The following EXTL3 variants were observed in gnomAD, a reference collection of about 807,000 sequenced individuals.
EXTL3 encodes exostosin-like 3.
Under a neutral mutation model 69.3 loss-of-function variants are expected in EXTL3, and 27 were observed. The ratio of observed to expected loss-of-function variants is 0.39; its 90% CI spans 0.29 to 0.54. The LOEUF is 0.54. Ranked by LOEUF, EXTL3 falls within the 20% of genes least tolerant of loss-of-function variation. The pLI is 0.69. For synonymous variants in EXTL3, 511 were observed against 499.4 expected (o/e 1.02, Z -0.31); for missense variants, 1,003 against 1,231.8 (o/e 0.81, Z 2.78).
chr8:28,726,581 G>A (rs1454261190), intron 3 of EXTL3, among the ~76,000 whole-genome samples: 1 of 152,098 alleles, frequency 6.6e-6, no homozygotes, highest in Non-Finnish European at 1.5e-5. Context: ...GTGACATTTT[G>A]GGTCAGATAA....
intron 1 of EXTL3, among the ~76,000 whole-genome samples, chr8:28,663,611 C>T (rs1035973762): frequency 2.6e-5 from 4 of 152,028 alleles, no homozygotes; most frequent in African/African-American, 9.7e-5. Context: ...ACCACCACAC[C>T]CAGCTAAATT....
chr8:28,739,650 G>A (rs1457843428), intron 5 of EXTL3, among the ~76,000 whole-genome samples: 1 of 152,150 alleles, frequency 6.6e-6, no homozygotes, highest in African/African-American at 2.4e-5. Context: ...GTTTGAACCA[G>A]CCTAAGCAGT....
chr8:28,736,487 T>C (rs1424349095), intron 4 of EXTL3, among the ~76,000 whole-genome samples: 1 of 152,192 alleles, frequency 6.6e-6, no homozygotes, highest in African/African-American at 2.4e-5. Flanking sequence ...ACCTATAAAT[T>C]TGGAGATGAT....
rs574384717 is a variant in EXTL3, at chr8:28,674,396, T to A, written c.-52-39061T>A. On this transcript the variant is annotated intron_variant, in intron 1 of 6. Coordinates refer to the EXTL3 transcript ENST00000523149. The stretch of plus-strand genomic sequence containing the variant: ...CTTATATATGATACTTTCGAACATT[T>A]TGGAAAATGAATGAATATAATGATG... 2.2e-4 allele frequency among the ~76,000 whole-genome samples: 33 copies of A among 152,258 alleles called. No individual in the cohort carries two copies. In the East Asian group the frequency reaches 5.8e-3, roughly 27 times the overall value.
chr8:28,622,712 A>AGGGGGCGGGACCGTGGAGAGGTC (rs1806433075), upstream of EXTL3: 1 of 61,498 alleles, frequency 1.6e-5, no homozygotes, highest in African/African-American at 5.3e-5. Flanking sequence ...GCGGGGCCTC[A>AGGGGGCGGGACCGTGGAGAGGTC]GGGGGCGGGA....
chr8:28,696,551 A>C (rs1427869309), upstream of EXTL3: 2 of 151,562 alleles, frequency 1.3e-5, no homozygotes, highest in Non-Finnish European at 2.9e-5. Flanking sequence ...GCATGCATAC[A>C]CTATACATAT....
intron 1 of EXTL3, among the ~76,000 whole-genome samples, chr8:28,640,226 T>G (rs1183055731): frequency 1.3e-5 from 2 of 152,248 alleles, no homozygotes; most frequent in African/African-American, 4.8e-5. Context: ...TTTGTTGACT[T>G]GTACCATAAA....
Position 28,716,385 on chromosome 8 carries a change from A to C in EXTL3, c.326A>C (p.Lys109Thr). 1 of 1,613,970 alleles carries C rather than the reference A, an allele frequency of 6.2e-7. No homozygotes were observed. The highest frequency in any genetic ancestry group is 8.5e-7 in the Non-Finnish European group (1 of 1,180,014). Residue 109 changes from lysine (K) to threonine (T), a missense_variant, in exon 3 of 7, where the codon AAG becomes ACG. Around this residue, in one of 2 missense-constraint regions of EXTL3, gnomAD observed 742 missense variants for 815.4 expected, o/e 0.91. Transcript: ENST00000220562. This position sits in a 1 kb window ranked among gnomAD's most constrained non-coding sequence, Gnocchi z 7.1. ...CAAGAGCTGAACAGCGAGATCGCCAAGCTGAATCTGAAGATCGAAGCCTGT... is the reference window on the plus strand; with the variant it reads ...CAAGAGCTGAACAGCGAGATCGCCACGCTGAATCTGAAGATCGAAGCCTGT... ...KRQELNSEIA[K>T]LNLKIEACKK...
chr8:28,611,774 C>G (rs186441042), intron 2 of EXTL3, among the ~76,000 whole-genome samples: 33 of 152,260 alleles, frequency 2.2e-4, no homozygotes, highest in Middle Eastern at 3.4e-3. Context: ...GGAAATAGTT[C>G]TTATTTTCTA....
At chr8:28,724,599 C>G (rs1801369547) in intron 3 of EXTL3, among the ~76,000 whole-genome samples, 1 of 141,508 alleles carries the variant, frequency 7.1e-6, no homozygotes, top group Non-Finnish European at 1.5e-5. Context: ...AACCCTGTCT[C>G]TGCTTTAAAA....
chr8:28,622,676 C>G (rs563362607), upstream of EXTL3: 2 of 94,586 alleles, frequency 2.1e-5, no homozygotes, highest in Non-Finnish European at 4.3e-5. Flanking sequence ...GCCGGCCGGC[C>G]GGGCCGGGGA....
Position 28,658,537 on chromosome 8 carries a change from C to A in EXTL3, c.-53+35727C>A, listed in dbSNP as rs190769917. Among the ~76,000 whole-genome samples, 524 of 152,196 alleles carry A rather than the reference C, an allele frequency of 3.4e-3. 7 individuals are homozygous for A. The highest frequency in any genetic ancestry group is 0.012 in the African/African-American group (508 of 41,524). Reference sequence around the variant, plus strand: ...TCTGTACCTTGCTGTTCCCCCCCTGCCCCCGCACTTATCTTGGAGACTCTA... The same window carrying A: ...TCTGTACCTTGCTGTTCCCCCCCTGACCCCGCACTTATCTTGGAGACTCTA... On this transcript the variant is annotated intron_variant, in intron 1 of 6. Transcript: ENST00000523149.
intron 2 of EXTL3, among the ~76,000 whole-genome samples, chr8:28,611,631 A>G (rs1806272467): frequency 6.6e-6 from 1 of 152,212 alleles, no homozygotes; most frequent in Non-Finnish European, 1.5e-5. Flanking sequence ...GTGATGACCC[A>G]GCAGCTGGGG....
rs192581651 is a variant in EXTL3 at position 28,653,561 on chromosome 8, G to T, written c.-53+30751G>T. Among the ~76,000 whole-genome samples the T allele has an allele frequency of 5.9e-5, 9 of 152,088 alleles. No individual in the cohort carries two copies. In the East Asian group the frequency reaches 1.7e-3, roughly 29 times the overall value. ...GTTTTTATATATGGTATAGGGTAAGGGTCTAACTTCATTTCGCATGTGGAT... is the reference window on the plus strand; with the variant it reads ...GTTTTTATATATGGTATAGGGTAAGTGTCTAACTTCATTTCGCATGTGGAT... On this transcript the variant is annotated intron_variant, in intron 1 of 6. Transcript: ENST00000523149.
intron 1 of EXTL3, among the ~76,000 whole-genome samples, chr8:28,666,457 G>A (rs1585239838): frequency 6.6e-6 from 1 of 152,088 alleles, no homozygotes; most frequent in Non-Finnish European, 1.5e-5. Context: ...TTTTTTGATG[G>A]AGTCTCACTA....
At chr8:28,679,729 TAA>T (rs33956566) in intron 1 of EXTL3, among the ~76,000 whole-genome samples, 1,438 of 140,598 alleles carry the variant, frequency 0.01, 20 homozygotes, top group African/African-American at 0.027. Flanking sequence ...CCCTACCTCT[TAA>T]AAAAAAAAAA....
rs1341574800 is a variant in EXTL3, at chr8:28,751,786, A to C, written c.*920A>C. On this transcript the variant is annotated 3_prime_UTR_variant, in exon 7 of 7. Transcript: ENST00000220562. ...CTATCCTGCTCTTCTGTTGAAACAC[A>C]CGTGCTGTGGGCCTCAGGCGTTTCT... 6.6e-6 allele frequency: 1 copy of C among 152,280 alleles called. No individual in the cohort carries two copies. The allele number at this position is 152,280 out of a possible 1,614,324, so 9.4% of individuals were successfully genotyped here.
intron 1 of EXTL3, among the ~76,000 whole-genome samples, chr8:28,626,500 C>T (rs1426376157): frequency 2.0e-5 from 3 of 152,196 alleles, no homozygotes; most frequent in Admixed American, 6.5e-5. Flanking sequence ...AATGGTCATG[C>T]ATTCCTAGAC....
intron 3 of EXTL3, among the ~76,000 whole-genome samples, chr8:28,727,389 G>A (rs999692044): frequency 6.6e-6 from 1 of 152,134 alleles, no homozygotes; most frequent in Non-Finnish European, 1.5e-5. Flanking sequence ...AAAAAAACTA[G>A]TGTGAAATCT....
Sources: gnomAD v4.1 joint callset for allele counts (sites outside exome capture counted in the v4.1 genomes callset) on GRCh38, gnomAD v4.1.1 for gene constraint, gnomAD v4.1.1 regional missense constraint, Gnocchi (gnomAD v3.1) non-coding constraint, MANE v1.5 for transcripts, NCBI Gene and HGNC (gene_info 2026-07-23, HGNC 2026-07-21) for gene names.